TUT4: variants seen among roughly 807,000 people sequenced by gnomAD.
TUT4 encodes the protein terminal uridylyl transferase 4.
TUT4 carries 36 observed loss-of-function variants against 192.2 expected under a neutral mutation model. That is an observed-to-expected ratio of 0.19 (90% CI 0.14 to 0.25). TUT4 has a LOEUF of 0.25. Ranked by LOEUF, TUT4 falls within the 10% of genes least tolerant of loss-of-function variation. TUT4 has a pLI of 1.00. For missense variants in TUT4, 1,493 were observed against 1,957.2 expected, an observed-to-expected ratio of 0.76 and a Z score of 4.47; for synonymous variants, 618 against 666.0, an observed-to-expected ratio of 0.93 and a Z score of 1.11.
chr1:52,490,649 A>G, intron 8 of TUT4, 83 bp downstream of exon 8: 2 of 1,204,214 alleles, frequency 1.7e-6, no homozygotes, highest in Non-Finnish European at 2.3e-6. Context: ...TAAAACAAAA[A>G]CTTTTTCTCT....
intron 9 of TUT4, among the ~76,000 whole-genome samples, chr1:52,487,432 G>T (rs1670077411): frequency 6.6e-6 from 1 of 151,690 alleles, no homozygotes; most frequent in African/African-American, 2.4e-5. Context: ...AGGTGACAGA[G>T]ACCTCATCTC....
At chr1:52,428,907 G>C (rs962217437) in intron 28 of TUT4, among the ~76,000 whole-genome samples, 3 of 152,032 alleles carry the variant, frequency 2.0e-5, no homozygotes, top group African/African-American at 7.3e-5. Context: ...AAGTTAAAAA[G>C]CAAATTTGAT....
At chr1:52,442,661 G>A (rs1427201039) in intron 24 of TUT4, among the ~76,000 whole-genome samples, 2 of 152,192 alleles carry the variant, frequency 1.3e-5, no homozygotes, top group African/African-American at 4.8e-5. Flanking sequence ...TCAGGCTTCA[G>A]ATTTGGAGTG....
At chr1:52,477,524 A>G (rs1451364846) in intron 12 of TUT4, among the ~76,000 whole-genome samples, 184 bp downstream of exon 12, 1 of 152,204 alleles carries the variant, frequency 6.6e-6, no homozygotes, top group African/African-American at 2.4e-5. Flanking sequence ...CCATGATCCT[A>G]TCACTGCACT....
intron 28 of TUT4, among the ~76,000 whole-genome samples, chr1:52,428,845 G>A (rs1001958960): frequency 1.3e-5 from 2 of 151,974 alleles, no homozygotes; most frequent in Non-Finnish European, 2.9e-5. Context: ...CTGGGTATTA[G>A]ATGATACTAG....
intron 27 of TUT4, chr1:52,432,997 G>A (rs1255636245): frequency 2.6e-5 from 4 of 152,250 alleles, no homozygotes; most frequent in Non-Finnish European, 5.9e-5. Context: ...AAAGGCTGTT[G>A]AGACTGATTA....
Position 52,461,746 on chromosome 1 carries a change from A to T in TUT4, c.3093T>A (p.Ile1031=). The T allele has an allele frequency of 7.0e-7, 1 of 1,434,434 alleles. No homozygotes were observed. The highest frequency in any genetic ancestry group is 9.6e-7 in the Non-Finnish European group (1 of 1,044,024). 88.9% of individuals were successfully genotyped at this position (1,434,434 alleles called of 1,614,324 possible). A position where few individuals can be genotyped will look rare whatever the true frequency, so the allele number is the denominator to read the frequency against. ...NAEKLNCKEI[I]ENLAKILKRH... The stretch of plus-strand genomic sequence containing the variant: ...TCTTAAGAATTTTTGCCAAATTTTC[A>T]ATTATTTCCTTACAATTTAATTTCT... Residue 1031 remains isoleucine (I), a synonymous_variant, in exon 17 of 30, where the codon ATT becomes ATA. Transcript: ENST00000257177.
Position 52,438,234 on chromosome 1 carries a change from G to T in TUT4, c.3924C>A (p.Cys1308Ter). ...CGKIGHYMKD[C>*]PKRKSSLLFR... ...CATTTGCCAACCTTTTCCTTTTAGG[G>T]CAGTCTTTCATGTAGTGGCCTATTT... Residue 1308 changes from cysteine (C) to a stop codon, truncating the protein, a stop_gained, in exon 25 of 30, where the codon TGC becomes TGA. Transcript: ENST00000257177. LOFTEE classifies it high-confidence loss of function. 6.2e-7 allele frequency: 1 copy of T among 1,611,220 alleles called. No individual in the cohort carries two copies. Among genetic ancestry groups the T allele is most frequent in the Non-Finnish European group, 8.5e-7 (1 of 1,179,092 alleles).
chr1:52,505,418 C>CTT (rs35140317), intron 4 of TUT4, among the ~76,000 whole-genome samples: 9,563 of 109,436 alleles, frequency 0.087, 728 homozygotes, highest in Non-Finnish European at 0.1. Context: ...TTTGCTTAGA[C>CTT]TTTTTTTTTT....
At chr1:52,460,866 T>C (rs368037977) in intron 19 of TUT4, 17 of 251,418 alleles carry the variant, frequency 6.8e-5, no homozygotes, top group East Asian at 4.4e-4. Context: ...CCAACTCCCA[T>C]GCCTGGGGCT....
chr1:52,445,039 A>ATG (rs386366952), intron 24 of TUT4, among the ~76,000 whole-genome samples: 1,690 of 149,952 alleles, frequency 0.011, 28 homozygotes, highest in African/African-American at 0.038. Flanking sequence ...GTATATATAT[A>ATG]TGTGTGTGTG....
At chr1:52,510,627 C>T (rs572590821) in intron 3 of TUT4, among the ~76,000 whole-genome samples, 9 of 152,304 alleles carry the variant, frequency 5.9e-5, no homozygotes, top group Middle Eastern at 6.8e-3. Flanking sequence ...ACTCATACTT[C>T]GTGTATGTAT....
intron 24 of TUT4, 54 bp from the exon 25 acceptor site, chr1:52,438,389 C>T: frequency 7.8e-7 from 1 of 1,282,074 alleles, no homozygotes; most frequent in East Asian, 2.4e-5. Context: ...CTTTTGAATC[C>T]AAATGGAAAG....
intron 2 of TUT4, among the ~76,000 whole-genome samples, chr1:52,517,969 T>C (rs1679155535): frequency 6.6e-6 from 1 of 152,222 alleles, no homozygotes; most frequent in Non-Finnish European, 1.5e-5. Flanking sequence ...AAAGCTGCCT[T>C]TCTTCAAAAG....
At chr1:52,461,667 TA>T (rs762540599) in intron 17 of TUT4, 44 bp downstream of exon 17, 72 of 1,546,838 alleles carry the variant, frequency 4.7e-5, no homozygotes, top group Non-Finnish European at 6.2e-5. Context: ...TCATATATGC[TA>T]AAAAAATTTA....
intron 28 of TUT4, among the ~76,000 whole-genome samples, chr1:52,425,708 T>C (rs189095601): frequency 6.6e-6 from 1 of 152,080 alleles, no homozygotes; most frequent in Admixed American, 6.6e-5. Context: ...CAAGAAGAGA[T>C]ATATATATAC....
At chr1:52,454,959 C>T (rs747181581) in intron 20 of TUT4, among the ~76,000 whole-genome samples, 3 of 152,160 alleles carry the variant, frequency 2.0e-5, no homozygotes, top group Non-Finnish European at 4.4e-5. Context: ...AAAAGATTTC[C>T]GCATAATGTC....
At chr1:52,435,961 G>GA (rs779838454) in intron 26 of TUT4, among the ~76,000 whole-genome samples, 9 of 151,716 alleles carry the variant, frequency 5.9e-5, no homozygotes, top group Non-Finnish European at 1.2e-4. Context: ...TCTGCAGTAA[G>GA]AATCTGAGTA....
At position 52,497,166 on chromosome 1, in the gene TUT4, A is replaced by G. The variant is rs1305560538; in HGVS notation, c.1017T>C (p.Ser339=). 2 of 1,601,728 alleles carry G rather than the reference A, an allele frequency of 1.2e-6. No individual in the cohort carries two copies. Among genetic ancestry groups the G allele is most frequent in the East Asian group, 4.5e-5 (2 of 44,774 alleles). The change falls in exon 5 of 30, where the codon AGT becomes AGC. Residue 339 remains serine, a synonymous_variant. Transcript: ENST00000257177. ...KKNILEKQEE[S]ELRSLPPPSP... ...AAGGAGGTGGCAGAGAACGAAGCTC[A>G]CTTTCTTCTTGTTTTTCCTATTAAT...
Sources: gnomAD v4.1 joint callset for allele counts (sites outside exome capture counted in the v4.1 genomes callset) on GRCh38, gnomAD v4.1.1 for gene constraint, MANE v1.5 for transcripts, NCBI Gene and HGNC (gene_info 2026-07-23, HGNC 2026-07-21) for gene names.